MYO10: variants seen among roughly 807,000 people sequenced by gnomAD.
MYO10 encodes the protein unconventional myosin-X.
In MYO10, 133 loss-of-function variants were observed where a neutral mutation model predicts 257.3. The ratio of observed to expected loss-of-function variants is 0.52; its 90% CI spans 0.45 to 0.60. The LOEUF (loss-of-function observed/expected upper bound fraction) is 0.60. Among genes scored for constraint, MYO10 ranks in the 20% least tolerant of loss-of-function variants. The probability of loss-of-function intolerance (pLI) is 0.00; values close to 1 mark genes in which losing one functional copy is unlikely to be tolerated. For missense variants in MYO10, 2,399 were observed against 2,635.7 expected, an observed-to-expected ratio of 0.91 and a Z score of 1.97; for synonymous variants, 1,104 against 1,028.6, an observed-to-expected ratio of 1.07 and a Z score of -1.40.
chr5:16,840,746 AT>A (rs1743454303), intron 2 of MYO10, among the ~76,000 whole-genome samples: 1 of 152,174 alleles, frequency 6.6e-6, no homozygotes, highest in Non-Finnish European at 1.5e-5. Context: ...GCAAGCCCAT[AT>A]TTAAAATGAC....
intron 35 of MYO10, among the ~76,000 whole-genome samples, chr5:16,674,541 T>C (rs549035947): frequency 6.6e-6 from 1 of 151,146 alleles, no homozygotes; most frequent in South Asian, 2.1e-4. Context: ...TTCTATCTCT[T>C]TGATCTGGAA....
chr5:16,685,751 G>T lies in MYO10; in HGVS notation c.3977C>A (p.Pro1326Gln). 1 of 1,551,212 alleles carries T rather than the reference G, an allele frequency of 6.4e-7. No individual in the cohort carries two copies. The highest frequency in any genetic ancestry group is 2.4e-5 in the East Asian group (1 of 41,406). Residue 1326 changes from proline (P) to glutamine (Q), a missense_variant, in exon 29 of 41, where the codon CCA (proline) becomes CAA (glutamine). By Grantham distance (76) the Pro-to-Gln change is moderately conservative. This residue lies in a region of MYO10 where 1,820 missense variants were observed against 1,939.4 expected (regional missense o/e 0.94). Transcript: ENST00000513610. ...GTGCTCCCGTACCACAGCATTCTGT[G>T]GGTTTGCCTGCTCATCATGCATCTC... ...IQEMHDEQAN[P>Q]QNAVGTLDVG...
chr5:16,769,689 G>A (rs1740987679), intron 9 of MYO10, among the ~76,000 whole-genome samples: 1 of 152,026 alleles, frequency 6.6e-6, no homozygotes, highest in Non-Finnish European at 1.5e-5. Flanking sequence ...GTGCACATAA[G>A]AGGAGGAAGA....
chr5:16,922,344 C>T (rs1480372048), intron 1 of MYO10, among the ~76,000 whole-genome samples: 1 of 152,192 alleles, frequency 6.6e-6, no homozygotes, highest in Non-Finnish European at 1.5e-5. Context: ...TCCAAGCCGC[C>T]TGCAATGATC....
At chr5:16,916,054 C>G (rs1745807115) in intron 1 of MYO10, 1 of 456,070 alleles carries the variant, frequency 2.2e-6, no homozygotes, top group Non-Finnish European at 4.4e-6. Flanking sequence ...ATGTCGCTTA[C>G]CAGTTGAATC....
chr5:16,764,210 A>C (rs1215808348), intron 12 of MYO10, 40 bp downstream of exon 12: 1 of 1,606,354 alleles, frequency 6.2e-7, no homozygotes, highest in East Asian at 2.2e-5. Flanking sequence ...CTAATCATGG[A>C]CAGAAGAGAA....
chr5:16,796,479 A>AAAT (rs879289733), intron 3 of MYO10, among the ~76,000 whole-genome samples: 1 of 116,144 alleles, frequency 8.6e-6, no homozygotes, highest in African/African-American at 4.0e-5. Context: ...AAAAGAAAAG[A>AAAT]AAAGAAAGAA....
Position 16,823,180 on chromosome 5 carries a change from G to A in MYO10, c.121-5013C>T, listed in dbSNP as rs1026988740. On this transcript the variant is annotated intron_variant, in intron 2 of 40. Transcript: ENST00000513610. The stretch of plus-strand genomic sequence containing the variant: ...TTACTGGCTGGGCTCAGTAGCTCAC[G>A]CCTGTAATCCCAGCACTTTGGGAGG... Among the ~76,000 whole-genome samples the A allele has an allele frequency of 4.7e-5, 7 of 148,774 alleles. No homozygotes were observed. The South Asian group carries it at 6.9e-4, about 15-fold the overall frequency.
At chr5:16,748,044 C>T (rs1435120782) in intron 19 of MYO10, among the ~76,000 whole-genome samples, 1 of 148,724 alleles carries the variant, frequency 6.7e-6, no homozygotes, top group Non-Finnish European at 1.5e-5. Context: ...GTCACATTAT[C>T]ATCCGAACTT....
In MYO10 at chr5:16,694,587, C is replaced by A; in HGVS notation, c.3584G>T (p.Arg1195Leu). The change falls in exon 27 of 41, where the codon CGC (arginine) becomes CTC (leucine). Residue 1195 changes from arginine to leucine, a missense_variant. Arg to Leu is a moderately radical substitution (Grantham distance 102). Coordinates refer to ENST00000513610, the MANE Select transcript of MYO10 (RefSeq NM_012334.3). The part of the protein sequence containing the change: ...KGGLMNSWKR[R>L]WCVLKDETFL... ...GGTTTCATCCTTGAGGACGCACCAG[C>A]GGCGTTTCCAAGAGTTCATCAGGCC... The A allele has an allele frequency of 6.2e-7, 1 of 1,613,854 alleles. No homozygotes were observed. The highest frequency in any genetic ancestry group is 8.5e-7 in the Non-Finnish European group (1 of 1,179,878).
At chr5:16,768,959 A>T in intron 10 of MYO10, 115 bp downstream of exon 10, 1 of 1,303,814 alleles carries the variant, frequency 7.7e-7, no homozygotes. Context: ...TACAGGCAAG[A>T]GCCACCGCAC....
In MYO10 at chr5:16,701,874, C is replaced by T. The variant is rs1738098025; in HGVS notation, c.2557-36G>A. 6.4e-7 allele frequency: 1 copy of T among 1,551,298 alleles called. No homozygotes were observed. The highest frequency in any genetic ancestry group is 1.3e-5 in the South Asian group (1 of 78,400). Reference sequence around the variant, plus strand: ...GCAGAAGGGAGATTTCAGAAGGCTTCAGTACAAAAGTCCAAGCATAGCTCC... The same window carrying T: ...GCAGAAGGGAGATTTCAGAAGGCTTTAGTACAAAAGTCCAAGCATAGCTCC... On this transcript the variant is annotated intron_variant, in intron 24 of 40. Coordinates refer to ENST00000513610, the MANE Select transcript of MYO10 (RefSeq NM_012334.3). This position sits in a 1 kb window ranked among gnomAD's most constrained non-coding sequence, Gnocchi z 8.1.
At chr5:16,678,687 T>C (rs1257082608) in intron 33 of MYO10, among the ~76,000 whole-genome samples, 2 of 152,234 alleles carry the variant, frequency 1.3e-5, no homozygotes, top group African/African-American at 4.8e-5. Flanking sequence ...TTGATTTTGA[T>C]GGAAAATTAT....
intron 19 of MYO10, among the ~76,000 whole-genome samples, chr5:16,733,730 T>C (rs751178346): frequency 2.0e-5 from 3 of 152,150 alleles, no homozygotes; most frequent in Non-Finnish European, 4.4e-5. Flanking sequence ...AAATATCCCA[T>C]TGAGCAGTTG....
chr5:16,692,725 C>T (rs766688670), intron 27 of MYO10, among the ~76,000 whole-genome samples: 14 of 152,136 alleles, frequency 9.2e-5, no homozygotes, highest in Non-Finnish European at 1.8e-4. Context: ...TATATTCTTC[C>T]ACCCACTCTT....
At chr5:16,798,724 T>C (rs772235930) in intron 3 of MYO10, among the ~76,000 whole-genome samples, 5 of 152,204 alleles carry the variant, frequency 3.3e-5, no homozygotes, top group Non-Finnish European at 7.3e-5. Flanking sequence ...TCAAAAATGT[T>C]CATTTTTACT....
At chr5:16,932,692 C>G (rs938944905) in intron 1 of MYO10, among the ~76,000 whole-genome samples, 3 of 152,144 alleles carry the variant, frequency 2.0e-5, no homozygotes, top group African/African-American at 7.2e-5. Context: ...ATTTTGAAGT[C>G]AGCAGCTGTC....
At position 16,689,397 on chromosome 5, in the gene MYO10, T is replaced by C. The variant is rs145018597; in HGVS notation, c.3896+427A>G. 5.2e-3 allele frequency among the ~76,000 whole-genome samples: 787 copies of C among 152,280 alleles called. 5 individuals are homozygous for C. The highest frequency in any genetic ancestry group is 7.1e-3 in the Non-Finnish European group (486 of 68,024). On this transcript the variant is annotated intron_variant, in intron 28 of 40. Transcript: ENST00000513610. The stretch of plus-strand genomic sequence containing the variant: ...AGATCTTTAAAACCCCCCAGTGCCA[T>C]AGCACTATCAGTTACTTAAACAGCC...
chr5:16,750,256 T>C (rs1274597587), intron 19 of MYO10, among the ~76,000 whole-genome samples: 3 of 152,110 alleles, frequency 2.0e-5, no homozygotes, highest in African/African-American at 7.2e-5. Flanking sequence ...CTGCCTTCTA[T>C]ACAATACCCA....
Sources: gnomAD v4.1 joint callset for allele counts (sites outside exome capture counted in the v4.1 genomes callset) on GRCh38, gnomAD v4.1.1 for gene constraint, gnomAD v4.1.1 regional missense constraint, Gnocchi (gnomAD v3.1) non-coding constraint, MANE v1.5 for transcripts, NCBI Gene and HGNC (gene_info 2026-07-23, HGNC 2026-07-21) for gene names.